The following SYNDIG1L variants were observed in gnomAD, a reference collection of about 807,000 sequenced individuals.
The protein encoded by SYNDIG1L is synapse differentiation-inducing gene protein 1-like.
A neutral mutation model predicts 20.1 loss-of-function variants in SYNDIG1L; 13 were observed. The ratio of observed to expected loss-of-function variants is 0.65; its 90% CI spans 0.42 to 1.03. The LOEUF (loss-of-function observed/expected upper bound fraction) is 1.03, where lower values mean the gene tolerates loss of function less well. Among genes scored for constraint, SYNDIG1L ranks in the 50% least tolerant of loss-of-function variants. The probability of loss-of-function intolerance (pLI) is 0.00; values close to 1 mark genes in which losing one functional copy is unlikely to be tolerated. For synonymous variants in SYNDIG1L, 128 were observed against 129.3 expected (o/e 0.99, Z 0.07); for missense variants, 294 against 305.1 (o/e 0.96, Z 0.27).
chr14:74,474,531 T>C, the SYNDIG1L span: 2 of 152,268 alleles, frequency 1.3e-5, no homozygotes, highest in African/African-American at 4.8e-5. Context: ...TACAGAGCCA[T>C]CTTCATGGCT....
At chr14:74,429,429 G>A (rs1233616149), upstream of SYNDIG1L, among the ~76,000 whole-genome samples, 1 of 152,208 alleles carries the variant, frequency 6.6e-6, no homozygotes, top group African/African-American at 2.4e-5. Flanking sequence ...ATAAACTCTT[G>A]GTTCTTTTTA....
chr14:74,476,698 T>A, the SYNDIG1L span: 1 of 782,360 alleles, frequency 1.3e-6, no homozygotes, highest in Non-Finnish European at 2.0e-6. Context: ...TTGAGCCACC[T>A]ATGCAGGCCA....
the SYNDIG1L span, chr14:74,476,723 C>T: frequency 1.6e-6 from 1 of 644,220 alleles, no homozygotes; most frequent in African/African-American, 1.8e-5. Context: ...CTGGTCTCCA[C>T]CCTCCCCTCC....
the SYNDIG1L span, among the ~76,000 whole-genome samples, chr14:74,433,931 A>C: frequency 6.6e-6 from 1 of 152,228 alleles, no homozygotes; most frequent in Non-Finnish European, 1.5e-5. Context: ...GAACATATAT[A>C]AATGTCCAAA....
intron 1 of SYNDIG1L, among the ~76,000 whole-genome samples, chr14:74,418,833 G>A (rs992279422): frequency 6.6e-6 from 1 of 152,226 alleles, no homozygotes; most frequent in Non-Finnish European, 1.5e-5. Context: ...GCCATTGTGA[G>A]TGAAGCCATT....
chr14:74,407,795 C>T (rs1467387500), intron 3 of SYNDIG1L, 54 bp downstream of exon 3: 3 of 1,580,920 alleles, frequency 1.9e-6, no homozygotes, highest in African/African-American at 2.7e-5. Flanking sequence ...GGATGCCAAG[C>T]CCTCCAGTAG....
At chr14:74,423,216 AG>A (rs1486683152) in intron 1 of SYNDIG1L, among the ~76,000 whole-genome samples, 1 of 152,148 alleles carries the variant, frequency 6.6e-6, no homozygotes, top group Non-Finnish European at 1.5e-5. Flanking sequence ...TCAGGAGAGG[AG>A]CCAGATGTCA....
chr14:74,436,614 C>T, the SYNDIG1L span, among the ~76,000 whole-genome samples: 3 of 151,682 alleles, frequency 2.0e-5, no homozygotes, highest in South Asian at 2.1e-4. Flanking sequence ...TTTGGGGGGC[C>T]GAGGCGGGCG....
the SYNDIG1L span, among the ~76,000 whole-genome samples, chr14:74,436,865 A>AAG: frequency 6.6e-6 from 1 of 151,180 alleles, no homozygotes; most frequent in East Asian, 2.0e-4. Context: ...AAAAAAAAAA[A>AAG]AAAGCTCAGC....
At chr14:74,469,546 T>C in the SYNDIG1L span, among the ~76,000 whole-genome samples, 5 of 151,652 alleles carry the variant, frequency 3.3e-5, no homozygotes, top group Admixed American at 2.6e-4. Context: ...GAAGAAAATG[T>C]GGCCACATGG....
chr14:74,446,604 T>C, the SYNDIG1L span, among the ~76,000 whole-genome samples: 2 of 150,460 alleles, frequency 1.3e-5, no homozygotes, highest in Non-Finnish European at 2.9e-5. Flanking sequence ...CAAAACCCAG[T>C]TATGTGCTGG....
At chr14:74,440,168 A>C in the SYNDIG1L span, among the ~76,000 whole-genome samples, 1 of 151,870 alleles carries the variant, frequency 6.6e-6, no homozygotes, top group Admixed American at 6.6e-5. Flanking sequence ...TCACGAGGTC[A>C]GGAGATTGAG....
At chr14:74,459,323 G>A in the SYNDIG1L span, among the ~76,000 whole-genome samples, 1 of 152,140 alleles carries the variant, frequency 6.6e-6, no homozygotes, top group African/African-American at 2.4e-5. Flanking sequence ...TGAGCAACAT[G>A]GCGAAACCCT....
At chr14:74,421,891 G>A (rs2086224594) in intron 1 of SYNDIG1L, among the ~76,000 whole-genome samples, 1 of 152,180 alleles carries the variant, frequency 6.6e-6, no homozygotes. Context: ...AGAATCAATT[G>A]CCCTCTTTCT....
chr14:74,470,980 G>A, the SYNDIG1L span, among the ~76,000 whole-genome samples: 3 of 152,140 alleles, frequency 2.0e-5, 1 homozygote, highest in Non-Finnish European at 1.5e-5. Flanking sequence ...AAGGTGCCTA[G>A]TGTTAAAAAC....
At chr14:74,420,894 A>G (rs1230354946) in intron 1 of SYNDIG1L, among the ~76,000 whole-genome samples, 1 of 152,232 alleles carries the variant, frequency 6.6e-6, no homozygotes, top group Non-Finnish European at 1.5e-5. Context: ...TTCAGAAGAG[A>G]GGCCTACTGT....
the SYNDIG1L span, among the ~76,000 whole-genome samples, chr14:74,458,537 G>T: frequency 6.7e-6 from 1 of 149,744 alleles, no homozygotes; most frequent in African/African-American, 2.5e-5. Flanking sequence ...CAGAAGAATC[G>T]CTTGAACCCA....
chr14:74,409,405 T>C lies in SYNDIG1L; in HGVS notation c.340A>G (p.Asn114Asp). The change falls in exon 2 of 4, where the codon AAT becomes GAT. Residue 114 changes from asparagine (N) to aspartate (D), a missense_variant. Coordinates refer to ENST00000331628, the MANE Select transcript of SYNDIG1L (RefSeq NM_001105579.2). The stretch of plus-strand genomic sequence containing the variant: ...TAGGACACAGTCTGGATGGTGACAT[T>C]CTCTGCAGCTTGGCCAGGTCCTGTG... ...QPTGPGQAAE[N>D]VTIQTVSYGV... 1.2e-6 allele frequency: 2 copies of C among 1,613,488 alleles called. No individual in the cohort carries two copies. Among genetic ancestry groups the C allele is most frequent in the Non-Finnish European group, 1.7e-6 (2 of 1,179,834 alleles).
the SYNDIG1L span, among the ~76,000 whole-genome samples, chr14:74,447,218 G>T: frequency 1.3e-5 from 2 of 152,150 alleles, no homozygotes; most frequent in African/African-American, 4.8e-5. Flanking sequence ...CATAGATAAA[G>T]GGAGTCTCTG....
Sources: gnomAD v4.1 joint callset for allele counts (sites outside exome capture counted in the v4.1 genomes callset) on GRCh38, gnomAD v4.1.1 for gene constraint, MANE v1.5 for transcripts, NCBI Gene and HGNC (gene_info 2026-07-23, HGNC 2026-07-21) for gene names.